Variants in LAMC1 observed in about 807,000 individuals in gnomAD.
LAMC1 encodes the protein laminin subunit gamma 1, also known as laminin subunit gamma-1.
A neutral mutation model predicts 173.6 loss-of-function variants in LAMC1; 38 were observed. The observed-to-expected ratio is 0.22, with a 90% CI of 0.17 to 0.29. The LOEUF is 0.29. LAMC1 is among the 10% of genes least tolerant of loss of function. LAMC1 has a pLI of 1.00. For synonymous variants in LAMC1, 746 were observed against 749.1 expected, an observed-to-expected ratio of 1.00 and a Z score of 0.07; for missense variants, 1,824 against 2,051.8, an observed-to-expected ratio of 0.89 and a Z score of 2.14.
rs143833049 is a variant in LAMC1 at position 183,114,385 on chromosome 1, A to C, written c.1022-146A>C. ...TGCACCTGACCTTCTTGTTGTTGTT[A>C]ATGAACAGTGCATCTGGTAATCATT... On this transcript the variant is annotated intron_variant, in intron 4 of 27. Coordinates refer to ENST00000258341, the MANE Select transcript of LAMC1 (RefSeq NM_002293.4). 2.2e-5 allele frequency: 18 copies of C among 834,234 alleles called. No individual in the cohort carries two copies. In the African/African-American group the frequency reaches 2.2e-4, roughly 10 times the overall value. The allele number at this position is 834,234 out of a possible 1,614,324, so 51.7% of individuals were successfully genotyped here. A position where few individuals can be genotyped will look rare whatever the true frequency, so the allele number is the denominator to read the frequency against.
chr1:183,142,936 G>C lies in LAMC1; in HGVS notation c.*146G>C. On this transcript the variant is annotated 3_prime_UTR_variant, in exon 28 of 28. Coordinates refer to ENST00000258341, the MANE Select transcript of LAMC1 (RefSeq NM_002293.4). ...TCCTTTTGAACCAGGAAAAGTCACAGAGTTTAAAGAGAAGCAAATTAAACA... is the reference window on the plus strand; with the variant it reads ...TCCTTTTGAACCAGGAAAAGTCACACAGTTTAAAGAGAAGCAAATTAAACA... 1 of 799,718 alleles carries C rather than the reference G, an allele frequency of 1.3e-6. No homozygotes were observed. The highest frequency in any genetic ancestry group is 1.9e-6 in the Non-Finnish European group (1 of 517,370). The allele number at this position is 799,718 out of a possible 1,614,324, so 49.5% of individuals were successfully genotyped here.
intron 26 of LAMC1, chr1:183,138,645 A>C (rs994240890): frequency 6.6e-5 from 10 of 152,186 alleles, no homozygotes; most frequent in African/African-American, 2.2e-4. Flanking sequence ...GAAGTGATAA[A>C]GGAAACTATC....
intron 3 of LAMC1, among the ~76,000 whole-genome samples, chr1:183,110,121 T>G (rs1189596593): frequency 6.6e-6 from 1 of 152,150 alleles, no homozygotes. Context: ...GTTACACTGG[T>G]AAGTGACAGG....
intron 17 of LAMC1, among the ~76,000 whole-genome samples, chr1:183,127,743 G>C (rs1656660179): frequency 6.6e-6 from 1 of 152,144 alleles, no homozygotes; most frequent in Admixed American, 6.5e-5. Flanking sequence ...AAGGAACCTG[G>C]TATACAGAGG....
chr1:183,090,429 A>G (rs979815648), intron 1 of LAMC1, among the ~76,000 whole-genome samples: 1 of 152,226 alleles, frequency 6.6e-6, no homozygotes, highest in Non-Finnish European at 1.5e-5. Flanking sequence ...TAGAGTGTAC[A>G]TTCTTACTCG....
rs561268008 is a variant in LAMC1 at position 183,104,533 on chromosome 1, A to T, written c.723+901A>T. 3.3e-5 allele frequency among the ~76,000 whole-genome samples: 5 copies of T among 152,358 alleles called. 1 individual carries two copies. The East Asian group carries it at 9.6e-4, about 29-fold the overall frequency. ...CAGTTGACTGAAACAAGAAAGTCTG[A>T]TAATGGGTTTTCAAATGCTGTGTAC... is the stretch of plus-strand genomic sequence containing the variant. On this transcript the variant is annotated intron_variant, in intron 2 of 27. Coordinates refer to ENST00000258341, the MANE Select transcript of LAMC1 (RefSeq NM_002293.4).
At chr1:183,113,637 C>T (rs1419123559) in intron 4 of LAMC1, among the ~76,000 whole-genome samples, 2 of 152,194 alleles carry the variant, frequency 1.3e-5, no homozygotes, top group South Asian at 4.1e-4. Flanking sequence ...CTTCCCTGTA[C>T]ATGGATGTTT....
At chr1:183,122,346 G>A (rs1656500534) in intron 13 of LAMC1, 95 bp downstream of exon 13, 2 of 1,192,800 alleles carry the variant, frequency 1.7e-6, no homozygotes, top group African/African-American at 1.5e-5. Flanking sequence ...TTTGTGTTTG[G>A]TTCAGTTTCA....
intron 17 of LAMC1, among the ~76,000 whole-genome samples, chr1:183,128,013 A>G (rs929359268): frequency 5.9e-5 from 9 of 152,194 alleles, no homozygotes; most frequent in Admixed American, 5.2e-4. Context: ...GGAAGCCTCA[A>G]TTGGATTGGA....
chr1:183,083,029 A>G (rs1215497098), intron 1 of LAMC1, among the ~76,000 whole-genome samples: 3 of 152,308 alleles, frequency 2.0e-5, no homozygotes, highest in South Asian at 2.1e-4. Flanking sequence ...GAATCTTTCA[A>G]TATTTTTGGC....
intron 4 of LAMC1, 75 bp downstream of exon 4, chr1:183,110,729 C>G (rs1047344622): frequency 2.1e-6 from 3 of 1,407,324 alleles, no homozygotes; most frequent in Non-Finnish European, 2.9e-6. Context: ...GGGTGACTTT[C>G]TTTTATTCCT....
At chr1:183,090,704 G>A (rs746069235) in intron 1 of LAMC1, among the ~76,000 whole-genome samples, 1 of 152,134 alleles carries the variant, frequency 6.6e-6, no homozygotes, top group Non-Finnish European at 1.5e-5. Flanking sequence ...TTTATTTGCA[G>A]TTTTCAACAT....
At chr1:183,028,980 C>T (rs1653767886) in intron 1 of LAMC1, among the ~76,000 whole-genome samples, 2 of 152,210 alleles carry the variant, frequency 1.3e-5, no homozygotes, top group African/African-American at 4.8e-5. Context: ...TCACCCAACT[C>T]AAAGCTCTTT....
rs764226692 is a variant in LAMC1, at chr1:183,024,013, G to C, written c.297G>C (p.Leu99=). The C allele has an allele frequency of 9.3e-6, 15 of 1,612,914 alleles. No individual in the cohort carries two copies. Among genetic ancestry groups the C allele is most frequent in the Middle Eastern group, 1.6e-4 (1 of 6,084 alleles). The change falls in exon 1 of 28, where the codon CTG becomes CTC. Residue 99 remains leucine, a synonymous_variant. Transcript: ENST00000258341. Reference sequence around the variant, plus strand: ...TGTGCGACGCCGGGCAGCCCCACCTGCAGCACGGGGCAGCCTTCCTGACCG... The same window carrying C: ...TGTGCGACGCCGGGCAGCCCCACCTCCAGCACGGGGCAGCCTTCCTGACCG... The part of the protein sequence containing the change: ...CHLCDAGQPH[L]QHGAAFLTDY...
rs57729826 is a variant in LAMC1 at position 183,132,292 on chromosome 1, A to AAATAATAATAAT, written c.3567-90_3567-79dup. 5.9e-6 allele frequency: 4 copies of AAATAATAATAAT among 677,268 alleles called. No homozygotes were observed. The African/African-American group carries it at 7.8e-5, about 13-fold the overall frequency. The allele number at this position is 677,268 out of a possible 1,614,324, so 42.0% of individuals were successfully genotyped here. ...GGGTGACAGAGCGAGACTCCATTTCAAATAATAATAATAATAATAATAATA... is the reference window on the plus strand; with the variant it reads ...GGGTGACAGAGCGAGACTCCATTTCAAATAATAATAATAATAATAATAATAATAATAATAATA... On this transcript the variant is annotated intron_variant, in intron 20 of 27. Transcript: ENST00000258341.
Position 183,136,551 on chromosome 1 carries a change from A to G in LAMC1, c.4280A>G (p.His1427Arg), listed in dbSNP as rs1352189599. 6.2e-7 allele frequency: 1 copy of G among 1,613,192 alleles called. No individual in the cohort carries two copies. Among genetic ancestry groups the G allele is most frequent in the Non-Finnish European group, 8.5e-7 (1 of 1,179,554 alleles). Residue 1427 changes from histidine to arginine, a missense_variant, in exon 25 of 28, where the codon CAT becomes CGT. Physicochemically the swap from His to Arg is conservative, Grantham distance 29. Coordinates refer to ENST00000258341, the MANE Select transcript of LAMC1 (RefSeq NM_002293.4). ...GCCACAGAGGCCAAGAACAAGGCCC[A>G]TGAGGCGGAGAGGATCGCGAGCGCT... ...ADATEAKNKA[H>R]EAERIASAVQ...
intron 1 of LAMC1, among the ~76,000 whole-genome samples, chr1:183,052,303 T>G (rs1654449255): frequency 6.6e-6 from 1 of 152,138 alleles, no homozygotes; most frequent in African/African-American, 2.4e-5. Flanking sequence ...CTGGTCATAC[T>G]AAAAGGCTAA....
At chr1:183,046,763 C>T (rs1441900131) in intron 1 of LAMC1, among the ~76,000 whole-genome samples, 2 of 151,970 alleles carry the variant, frequency 1.3e-5, no homozygotes, top group Non-Finnish European at 2.9e-5. Context: ...TTTTGTTTCT[C>T]CTTACCAAGC....
chr1:183,109,026 C>A (rs1222563124), intron 3 of LAMC1, among the ~76,000 whole-genome samples: 1 of 152,048 alleles, frequency 6.6e-6, no homozygotes, highest in Non-Finnish European at 1.5e-5. Flanking sequence ...GAGTATAAAC[C>A]CATTTAACTG....
Sources: gnomAD v4.1 joint callset for allele counts (sites outside exome capture counted in the v4.1 genomes callset) on GRCh38, gnomAD v4.1.1 for gene constraint, MANE v1.5 for transcripts, NCBI Gene and HGNC (gene_info 2026-07-23, HGNC 2026-07-21) for gene names.